The following RMST variants were observed in gnomAD, a reference collection of about 807,000 sequenced individuals.
RMST encodes the protein rhabdomyosarcoma 2 associated transcript, also known as long intergenic non-protein coding RNA 54.
chr12:97,503,732 C>G (rs1348473608), intron 10 of RMST, among the ~76,000 whole-genome samples: 2 of 152,100 alleles, frequency 1.3e-5, no homozygotes, highest in Non-Finnish European at 2.9e-5. Flanking sequence ...GGAGCAAATC[C>G]CTGCATGCTT....
chr12:97,480,089 C>CTTTTTTTTT (rs369247317), intron 5 of RMST, among the ~76,000 whole-genome samples: 19 of 90,992 alleles, frequency 2.1e-4, no homozygotes, highest in African/African-American at 6.1e-4. Flanking sequence ...TTTCTTTTTT[C>CTTTTTTTTT]TTTTTTTTTC....
chr12:97,482,398 T>A (rs1875416056), intron 5 of RMST, among the ~76,000 whole-genome samples: 2 of 152,264 alleles, frequency 1.3e-5, no homozygotes, highest in South Asian at 4.1e-4. Flanking sequence ...GTTGGGCCAC[T>A]GGTAATGGTT....
chr12:97,537,829 G>A (rs967125977), intron 11 of RMST, among the ~76,000 whole-genome samples: 1 of 151,414 alleles, frequency 6.6e-6, no homozygotes, highest in Non-Finnish European at 1.5e-5. Context: ...CAGATGGGAT[G>A]TCAGCCAGGG....
chr12:97,480,177 G>T (rs1875088106), intron 5 of RMST, among the ~76,000 whole-genome samples: 1 of 148,830 alleles, frequency 6.7e-6, no homozygotes, highest in African/African-American at 2.5e-5. Flanking sequence ...TGCAAGCTCT[G>T]CCTGCGGGTT....
chr12:97,562,140 C>T (rs1884162724), intron 13 of RMST, among the ~76,000 whole-genome samples: 1 of 152,148 alleles, frequency 6.6e-6, no homozygotes, highest in Non-Finnish European at 1.5e-5. Flanking sequence ...TTTCAGCAAG[C>T]ATGTGCCTCG....
intron 5 of RMST, among the ~76,000 whole-genome samples, chr12:97,486,075 G>A (rs1375602001): frequency 6.6e-6 from 1 of 152,206 alleles, no homozygotes; most frequent in East Asian, 1.9e-4. Flanking sequence ...GCAAGACCAT[G>A]ATAGAGTAGG....
intron 10 of RMST, among the ~76,000 whole-genome samples, chr12:97,503,663 C>T (rs931638515): frequency 4.6e-5 from 7 of 152,156 alleles, no homozygotes; most frequent in African/African-American, 1.7e-4. Flanking sequence ...TGAATCCACC[C>T]AAACTTGGAG....
At chr12:97,557,229 G>T (rs1441133134) in intron 11 of RMST, among the ~76,000 whole-genome samples, 1 of 152,192 alleles carries the variant, frequency 6.6e-6, no homozygotes, top group Non-Finnish European at 1.5e-5. Flanking sequence ...TATTTGCAAT[G>T]CAACTTAATG....
intron 5 of RMST, among the ~76,000 whole-genome samples, chr12:97,480,043 C>T (rs1282457229): frequency 6.6e-6 from 1 of 152,040 alleles, no homozygotes; most frequent in Admixed American, 6.6e-5. Flanking sequence ...ATATCAAACC[C>T]AGTACCAGGA....
rs141687022 is a variant in RMST at position 97,522,727 on chromosome 12, A to G, written n.1341-7928A>G. Among the ~76,000 whole-genome samples the G allele has an allele frequency of 7.0e-3, 1,070 of 152,304 alleles. 7 individuals carry two copies. Among genetic ancestry groups the G allele is most frequent in the African/African-American group, 0.023 (966 of 41,558 alleles). ...TTCATGTTAGTAAGGGTATTATTTC[A>G]TGAATATATTTTATCAAATATATTT... On this transcript the variant is annotated intron_variant and non_coding_transcript_variant, in intron 10 of 13. Coordinates refer to ENST00000640149, the Ensembl canonical transcript of RMST.
intron 11 of RMST, among the ~76,000 whole-genome samples, chr12:97,546,840 A>AT (rs1452705425): frequency 5.3e-5 from 8 of 151,908 alleles, no homozygotes; most frequent in Non-Finnish European, 1.0e-4. Context: ...ACTCTTAGTG[A>AT]TTTTTCAGGC....
At position 97,487,338 on chromosome 12, in the gene RMST, T is replaced by G. The variant is rs562597361; in HGVS notation, n.645-5123T>G. Among the ~76,000 whole-genome samples, 80 of 152,314 alleles carry G rather than the reference T, an allele frequency of 5.3e-4. 1 individual carries two copies. In the South Asian group the frequency reaches 0.017, roughly 32 times the overall value. On this transcript the variant is annotated intron_variant and non_coding_transcript_variant, in intron 5 of 13. Coordinates refer to ENST00000640149, the Ensembl canonical transcript of RMST. ...GGTAGATGTGAGCTTTTTTAAACTTTCCATTTGATATTTGGAGATTATTTG... is the reference window on the plus strand; with the variant it reads ...GGTAGATGTGAGCTTTTTTAAACTTGCCATTTGATATTTGGAGATTATTTG...
intron 10 of RMST, among the ~76,000 whole-genome samples, chr12:97,497,340 C>T (rs1197951031): frequency 2.0e-5 from 3 of 152,158 alleles, no homozygotes; most frequent in African/African-American, 7.2e-5. Flanking sequence ...TTGGCCTCAC[C>T]CTGACAAAGA....
At chr12:97,494,372 G>C (rs1877179978) in intron 8 of RMST, among the ~76,000 whole-genome samples, 1 of 152,114 alleles carries the variant, frequency 6.6e-6, no homozygotes, top group Admixed American at 6.6e-5. Context: ...TTAGTAATTT[G>C]TGGGATCAAA....
intron 10 of RMST, among the ~76,000 whole-genome samples, chr12:97,522,344 C>T (rs1880596920): frequency 6.6e-6 from 1 of 152,172 alleles, no homozygotes; most frequent in African/African-American, 2.4e-5. Flanking sequence ...AATTTACCTC[C>T]ATGATTCTTC....
Position 97,513,053 on chromosome 12 carries a change from C to T in RMST, n.1340+16997C>T, listed in dbSNP as rs1441946570. ...CCAACTGCGGGGTCCGCCGAGCCCA[C>T]GCCCACCCGGAACTCGCGCAGGCCC... On this transcript the variant is annotated intron_variant and non_coding_transcript_variant, in intron 10 of 13. Transcript: ENST00000640149. Among the ~76,000 whole-genome samples, 3 of 152,352 alleles carry T rather than the reference C, an allele frequency of 2.0e-5. No homozygotes were observed. In the East Asian group the frequency reaches 5.8e-4, roughly 29 times the overall value.
chr12:97,474,321 G>T (rs1055598062), intron 5 of RMST, among the ~76,000 whole-genome samples: 1 of 152,136 alleles, frequency 6.6e-6, no homozygotes, highest in Non-Finnish European at 1.5e-5. Flanking sequence ...CAGAGGTGCT[G>T]CACACCTTCT....
intron 5 of RMST, among the ~76,000 whole-genome samples, chr12:97,474,998 A>G (rs977193967): frequency 6.6e-6 from 1 of 152,172 alleles, no homozygotes; most frequent in African/African-American, 2.4e-5. Context: ...TAAAGTAGCC[A>G]AAGTATTTTG....
At chr12:97,477,578 A>T (rs1874706519) in intron 5 of RMST, among the ~76,000 whole-genome samples, 1 of 152,206 alleles carries the variant, frequency 6.6e-6, no homozygotes, top group Non-Finnish European at 1.5e-5. Flanking sequence ...ACATTAAAGG[A>T]TAGAAAAAAA....
Sources: allele counts gnomAD v4.1 joint callset (sites outside exome capture counted in the v4.1 genomes callset), GRCh38; gene constraint gnomAD v4.1.1; transcripts MANE v1.5; gene names NCBI Gene and HGNC (gene_info 2026-07-23, HGNC 2026-07-21).